CDK14: variants seen among roughly 807,000 people sequenced by gnomAD.
CDK14 encodes the protein cyclin dependent kinase 14.
Under a neutral mutation model 60.7 loss-of-function variants are expected in CDK14, and 34 were observed. The ratio of observed to expected loss-of-function variants is 0.56; its 90% CI spans 0.43 to 0.75. The LOEUF (loss-of-function observed/expected upper bound fraction) is 0.75. Ranked by LOEUF, CDK14 falls within the 30% of genes least tolerant of loss-of-function variation. The pLI, the probability that CDK14 is intolerant of heterozygous loss-of-function variation, is 0.00. For missense variants in CDK14, 482 were observed against 564.1 expected (o/e 0.85, Z 1.47); for synonymous variants, 197 against 203.7 (o/e 0.97, Z 0.28).
intron 12 of CDK14, among the ~76,000 whole-genome samples, chr7:91,109,211 T>C (rs188179227): frequency 3.3e-5 from 5 of 152,302 alleles, no homozygotes; most frequent in Admixed American, 3.3e-4. Context: ...TTAAGCCTGT[T>C]GCTCTGTGTA....
At chr7:91,103,956 A>G (rs1799215847) in intron 12 of CDK14, among the ~76,000 whole-genome samples, 1 of 152,172 alleles carries the variant, frequency 6.6e-6, no homozygotes, top group South Asian at 2.1e-4. Flanking sequence ...ACTGTATTAA[A>G]AGCACTTGTT....
chr7:90,649,978 A>G (rs1432226628), intron 2 of CDK14, among the ~76,000 whole-genome samples: 1 of 152,192 alleles, frequency 6.6e-6, no homozygotes, highest in Non-Finnish European at 1.5e-5. Flanking sequence ...TTACCCAGTA[A>G]TGAGATCACT....
chr7:90,621,481 T>G (rs1390377609), intron 2 of CDK14, among the ~76,000 whole-genome samples: 2 of 152,240 alleles, frequency 1.3e-5, no homozygotes, highest in African/African-American at 4.8e-5. Flanking sequence ...CATTTCTACC[T>G]CTCTCTGAAT....
chr7:90,964,403 T>A (rs1794697126), intron 9 of CDK14, among the ~76,000 whole-genome samples: 1 of 152,218 alleles, frequency 6.6e-6, no homozygotes, highest in Admixed American at 6.5e-5. Flanking sequence ...CTGCCACTTC[T>A]TAGCTGGGTG....
chr7:91,156,910 A>T (rs1316838267), intron 14 of CDK14, among the ~76,000 whole-genome samples: 1 of 152,164 alleles, frequency 6.6e-6, no homozygotes, highest in Non-Finnish European at 1.5e-5. Context: ...CCATTTTTGG[A>T]TGGGCCTTCA....
chr7:91,160,686 G>A (rs1322944448), intron 14 of CDK14, among the ~76,000 whole-genome samples: 2 of 151,766 alleles, frequency 1.3e-5, no homozygotes, highest in Non-Finnish European at 2.9e-5. Context: ...TTCTTTCTCT[G>A]TTTCAAACTC....
chr7:90,931,619 G>A (rs1051796452), intron 8 of CDK14, among the ~76,000 whole-genome samples: 1 of 152,206 alleles, frequency 6.6e-6, no homozygotes, highest in African/African-American at 2.4e-5. Context: ...GGATAAGAGA[G>A]GAAAACTACT....
At chr7:91,174,131 T>C (rs2115823954) in intron 14 of CDK14, among the ~76,000 whole-genome samples, 1 of 151,732 alleles carries the variant, frequency 6.6e-6, no homozygotes, top group East Asian at 1.9e-4. Context: ...GACTGCCTCC[T>C]CAAGTGGGTC....
chr7:90,948,333 C>G (rs1043086890), intron 8 of CDK14, among the ~76,000 whole-genome samples: 5 of 152,162 alleles, frequency 3.3e-5, no homozygotes, highest in Non-Finnish European at 1.5e-5. Flanking sequence ...CACATATACT[C>G]TATTGAAAAT....
chr7:90,815,030 C>A (rs1224723213), intron 5 of CDK14, among the ~76,000 whole-genome samples: 2 of 152,126 alleles, frequency 1.3e-5, no homozygotes, highest in Non-Finnish European at 2.9e-5. Context: ...CTTTTTCCTT[C>A]TTTTTACTTT....
At chr7:90,662,414 G>A (rs1417331493) in intron 2 of CDK14, among the ~76,000 whole-genome samples, 1 of 152,226 alleles carries the variant, frequency 6.6e-6, no homozygotes, top group Non-Finnish European at 1.5e-5. Flanking sequence ...AGTGCCCTTG[G>A]CAAAGCCAGA....
At chr7:91,046,046 C>A in intron 11 of CDK14, 86 bp downstream of exon 11, 1 of 863,784 alleles carries the variant, frequency 1.2e-6, no homozygotes, top group Non-Finnish European at 1.9e-6. Flanking sequence ...CAATATACCA[C>A]CTTGAAAAAT....
chr7:90,647,249 T>C (rs1003632855), intron 2 of CDK14, among the ~76,000 whole-genome samples: 2 of 152,170 alleles, frequency 1.3e-5, no homozygotes, highest in Non-Finnish European at 1.5e-5. Flanking sequence ...GTTAGGAACC[T>C]TGAAGACGAT....
chr7:90,999,123 C>T (rs1238922728), intron 10 of CDK14, among the ~76,000 whole-genome samples: 1 of 152,024 alleles, frequency 6.6e-6, no homozygotes, highest in East Asian at 1.9e-4. Context: ...CTCCCAAAGG[C>T]CCCATCTCCA....
chr7:90,763,194 A>C (rs985622395), intron 4 of CDK14, among the ~76,000 whole-genome samples: 1 of 152,202 alleles, frequency 6.6e-6, no homozygotes, highest in African/African-American at 2.4e-5. Flanking sequence ...GAAATGGACA[A>C]ATCCACTATG....
At chr7:90,976,472 C>T (rs566633353) in intron 9 of CDK14, among the ~76,000 whole-genome samples, 1 of 152,180 alleles carries the variant, frequency 6.6e-6, no homozygotes, top group African/African-American at 2.4e-5. Context: ...CCTCCCACCT[C>T]AGCCTCCCCA....
intron 14 of CDK14, among the ~76,000 whole-genome samples, chr7:91,135,581 G>C (rs948284489): frequency 6.6e-6 from 1 of 152,146 alleles, no homozygotes; most frequent in African/African-American, 2.4e-5. Context: ...AATCCAAAGA[G>C]GGAGATTTCA....
intron 14 of CDK14, among the ~76,000 whole-genome samples, chr7:91,188,850 C>T (rs1197043843): frequency 6.6e-6 from 1 of 152,118 alleles, no homozygotes; most frequent in Non-Finnish European, 1.5e-5. Context: ...AACATAGTTT[C>T]TTTTCTGTAA....
intron 6 of CDK14, among the ~76,000 whole-genome samples, chr7:90,875,758 C>T (rs959839447): frequency 1.3e-5 from 2 of 151,810 alleles, no homozygotes; most frequent in African/African-American, 4.8e-5. Flanking sequence ...TCTTTTCTCT[C>T]CCGTTTTCTA....
Sources: allele counts gnomAD v4.1 joint callset (sites outside exome capture counted in the v4.1 genomes callset), GRCh38; gene constraint gnomAD v4.1.1; transcripts MANE v1.5; gene names NCBI Gene and HGNC (gene_info 2026-07-23, HGNC 2026-07-21).